The following SPTLC2 variants were observed in gnomAD, a reference collection of about 807,000 sequenced individuals.
SPTLC2 encodes the protein serine palmitoyltransferase 2.
Under a neutral mutation model 62.0 loss-of-function variants are expected in SPTLC2, and 21 were observed. The observed-to-expected ratio is 0.34, with a 90% CI of 0.24 to 0.49. The LOEUF (loss-of-function observed/expected upper bound fraction) is 0.49, where lower values mean the gene tolerates loss of function less well. Among genes scored for constraint, SPTLC2 ranks in the 20% least tolerant of loss-of-function variants. SPTLC2 has a pLI of 0.99. For missense variants in SPTLC2, 511 were observed against 713.0 expected (o/e 0.72, Z 3.23); for synonymous variants, 261 against 261.8 (o/e 1.00, Z 0.03).
At chr14:77,568,726 T>A (rs2079660202) in intron 5 of SPTLC2, among the ~76,000 whole-genome samples, 1 of 147,722 alleles carries the variant, frequency 6.8e-6, no homozygotes, top group Admixed American at 7.0e-5. Flanking sequence ...GAGAATGGCG[T>A]GAACCCGGGA....
At chr14:77,581,479 C>T (rs780646841) in intron 2 of SPTLC2, among the ~76,000 whole-genome samples, 1 of 133,650 alleles carries the variant, frequency 7.5e-6, no homozygotes, top group African/African-American at 2.8e-5. Flanking sequence ...GGTGTGATCT[C>T]GCCTCACTGC....
At chr14:77,546,761 G>C (rs1328023748) in intron 9 of SPTLC2, among the ~76,000 whole-genome samples, 1 of 151,018 alleles carries the variant, frequency 6.6e-6, no homozygotes, top group Non-Finnish European at 1.5e-5. Context: ...TGGAGATGGA[G>C]TTTCGCTCTT....
At chr14:77,531,541 T>G (rs2079441035) in intron 9 of SPTLC2, among the ~76,000 whole-genome samples, 1 of 146,370 alleles carries the variant, frequency 6.8e-6, no homozygotes, top group African/African-American at 2.5e-5. Context: ...GTGATGGAGT[T>G]TTGCTTTTGT....
In SPTLC2 at chr14:77,570,234, A is replaced by AG. The variant is rs1187195144; in HGVS notation, c.756+149_756+150insC. On this transcript the variant is annotated intron_variant, in intron 5 of 11. Transcript: ENST00000216484. ...CAAGACTCCATCTCAAAAAAAAAAA[A>AG]AAAAAAGAAAAACAATTTGTGGTAG... The AG allele has an allele frequency of 7.0e-6, 8 of 1,142,872 alleles. No individual in the cohort carries two copies. In the Admixed American group the frequency reaches 7.4e-5, roughly 11 times the overall value. The allele number at this position is 1,142,872 out of a possible 1,614,324, so 70.8% of individuals were successfully genotyped here.
chr14:77,535,093 A>ATT (rs1264000357), intron 9 of SPTLC2, among the ~76,000 whole-genome samples: 1 of 152,008 alleles, frequency 6.6e-6, no homozygotes, highest in African/African-American at 2.4e-5. Context: ...ACACCTGGCT[A>ATT]ATCTTGTATT....
intron 8 of SPTLC2, among the ~76,000 whole-genome samples, chr14:77,553,497 C>T (rs1398315195): frequency 4.0e-5 from 6 of 151,846 alleles, no homozygotes; most frequent in Admixed American, 2.0e-4. Context: ...TTTGGGAGGC[C>T]GAGGCGGGCA....
intron 2 of SPTLC2, among the ~76,000 whole-genome samples, chr14:77,593,033 G>A (rs1386589255): frequency 6.6e-6 from 1 of 151,766 alleles, no homozygotes; most frequent in East Asian, 1.9e-4. Flanking sequence ...AACCGTGGAG[G>A]CGGAGATTGC....
At chr14:77,597,917 A>G (rs2079856682) in intron 1 of SPTLC2, among the ~76,000 whole-genome samples, 1 of 152,006 alleles carries the variant, frequency 6.6e-6, no homozygotes, top group African/African-American at 2.4e-5. Flanking sequence ...TGAGGTTGGG[A>G]GTTCAAGCCC....
chr14:77,531,750 G>C (rs1437993607), intron 9 of SPTLC2, among the ~76,000 whole-genome samples: 1 of 152,036 alleles, frequency 6.6e-6, no homozygotes, highest in Non-Finnish European at 1.5e-5. Context: ...AACCTCAGGT[G>C]ATCTGCTGGC....
At chr14:77,515,266 T>C (rs564757596) in intron 11 of SPTLC2, among the ~76,000 whole-genome samples, 1 of 152,330 alleles carries the variant, frequency 6.6e-6, no homozygotes, top group East Asian at 1.9e-4. Flanking sequence ...GCCAGTTCCA[T>C]ATACATTTGA....
In SPTLC2 at chr14:77,507,042, GCCAC is replaced by G. The variant is rs2079309214; in HGVS notation, c.*5238_*5241del. ...AAAACCTTGTCCCCAGCTCCACCAA[GCCAC>G]TCCCAAGGGTGGACTGTGAATGTGA... On this transcript the variant is annotated 3_prime_UTR_variant, in exon 12 of 12. Transcript: ENST00000216484. 1 of 152,148 alleles carries G rather than the reference GCCAC, an allele frequency of 6.6e-6. No individual in the cohort carries two copies. The highest frequency in any genetic ancestry group is 2.1e-4 in the South Asian group (1 of 4,830). 9.4% of individuals were successfully genotyped at this position (152,148 alleles called of 1,614,324 possible).
chr14:77,532,163 T>C (rs541507524), intron 9 of SPTLC2, among the ~76,000 whole-genome samples: 2 of 152,252 alleles, frequency 1.3e-5, no homozygotes, highest in East Asian at 3.9e-4. Context: ...AATACTGAAA[T>C]TTTTGGTGCT....
chr14:77,563,546 G>A (rs11852065), intron 5 of SPTLC2, among the ~76,000 whole-genome samples: 28,136 of 152,070 alleles, frequency 0.19, 2,675 homozygotes, highest in South Asian at 0.29. Context: ...CTGCCTCAGC[G>A]TCCCAGCTAG....
At chr14:77,525,212 G>A (rs777104380) in intron 9 of SPTLC2, among the ~76,000 whole-genome samples, 2 of 152,158 alleles carry the variant, frequency 1.3e-5, no homozygotes, top group Admixed American at 1.3e-4. Context: ...CTTGAGTCAG[G>A]AGTTTGGGGC....
In SPTLC2 at chr14:77,510,086, G is replaced by A. The variant is rs2139987608; in HGVS notation, c.*2198C>T. The stretch of plus-strand genomic sequence containing the variant: ...GGGATTCTATGGTAGGAAACTAGAT[G>A]TGCAGAAAAGGTTGACAATGTATTT... On this transcript the variant is annotated 3_prime_UTR_variant, in exon 12 of 12. Coordinates refer to ENST00000216484, the MANE Select transcript of SPTLC2 (RefSeq NM_004863.4). 2 of 396,620 alleles carry A rather than the reference G, an allele frequency of 5.0e-6. No homozygotes were observed. The highest frequency in any genetic ancestry group is 6.3e-4 in the Middle Eastern group (1 of 1,578). The allele number at this position is 396,620 out of a possible 1,614,324, so 24.6% of individuals were successfully genotyped here.
intron 9 of SPTLC2, 34 bp downstream of exon 9, chr14:77,552,061 GA>G: frequency 1.9e-6 from 3 of 1,612,548 alleles, no homozygotes; most frequent in Non-Finnish European, 2.5e-6. Context: ...CTGCTAGGTG[GA>G]CTTATGCAAT....
At chr14:77,553,971 C>T (rs546845000) in intron 8 of SPTLC2, among the ~76,000 whole-genome samples, 2 of 152,138 alleles carry the variant, frequency 1.3e-5, no homozygotes, top group African/African-American at 4.8e-5. Flanking sequence ...TGTGCCACCA[C>T]CACACCCAGC....
At chr14:77,514,821 G>A (rs931426149) in intron 11 of SPTLC2, among the ~76,000 whole-genome samples, 13 of 152,116 alleles carry the variant, frequency 8.5e-5, no homozygotes, top group African/African-American at 3.1e-4. Context: ...CCTCCTCTCA[G>A]GCTGGCTGCC....
rs1332980129 is a variant in SPTLC2, at chr14:77,603,007, C to T, written c.133-5627G>A. ...TTTTTTAAAAATAATTAAAATAAAA[C>T]AGTTTTTATTGCACTGTAAACTGAC... On this transcript the variant is annotated intron_variant, in intron 1 of 11. Coordinates refer to ENST00000216484, the MANE Select transcript of SPTLC2 (RefSeq NM_004863.4). 4.6e-5 allele frequency among the ~76,000 whole-genome samples: 7 copies of T among 152,126 alleles called. No individual in the cohort carries two copies. In the East Asian group the frequency reaches 9.6e-4, roughly 21 times the overall value.
Sources: gnomAD v4.1 joint callset for allele counts (sites outside exome capture counted in the v4.1 genomes callset) on GRCh38, gnomAD v4.1.1 for gene constraint, MANE v1.5 for transcripts, NCBI Gene and HGNC (gene_info 2026-07-23, HGNC 2026-07-21) for gene names.